CHM: variants seen among roughly 807,000 people sequenced by gnomAD.
The protein encoded by CHM is CHM Rab escort protein.
CHM carries 10 observed loss-of-function variants against 49.0 expected under a neutral mutation model. That is an observed-to-expected ratio of 0.20 (90% CI 0.13 to 0.35). CHM has a LOEUF of 0.35. Ranked by LOEUF, CHM falls within the 10% of genes least tolerant of loss-of-function variation. CHM has a pLI of 1.00. For missense variants in CHM, 455 were observed against 478.4 expected (o/e 0.95, Z 0.46); for synonymous variants, 184 against 167.5 (o/e 1.10, Z -0.76).
chrX:86,035,216 A>C (rs751048068), intron 1 of CHM, among the ~76,000 whole-genome samples: 1 of 112,308 alleles, frequency 8.9e-6, no homozygotes, highest in Non-Finnish European at 1.9e-5. Flanking sequence ...TTTTCACTTA[A>C]AAATGAGCAA....
At chrX:86,032,512 ATTTACTT>A (rs770307944) in intron 1 of CHM, among the ~76,000 whole-genome samples, 2 of 111,546 alleles carry the variant, frequency 1.8e-5, no homozygotes, top group African/African-American at 6.5e-5. Context: ...CTTGCTTACT[ATTTACTT>A]AAGTTACCCT....
intron 8 of CHM, among the ~76,000 whole-genome samples, chrX:85,913,327 AAAAAAAAAGAAAGAAAG>A (rs1927185702): frequency 1.2e-5 from 1 of 80,438 alleles, no homozygotes; most frequent in African/African-American, 4.3e-5. Context: ...AAAAAAAAAA[AAAAAAAAAGAAAGAAAG>A]AAAGAAAGAA....
rs1489155239 is a variant in CHM, at chrX:85,862,247, A to G, written c.*2383T>C. On this transcript the variant is annotated 3_prime_UTR_variant, in exon 15 of 15. Coordinates refer to ENST00000357749, the MANE Select transcript of CHM (RefSeq NM_000390.4). ...ACATATAGGTGGCTGCAGTAAGGCC[A>G]ATAGAATTTTTGTGGTTATTCTAGG... The G allele has an allele frequency of 8.9e-6, 1 of 112,289 alleles. No homozygotes were observed. Among genetic ancestry groups the G allele is most frequent in the Non-Finnish European group, 1.9e-5 (1 of 53,198 alleles). The allele number at this position is 112,289 out of a possible 1,213,427, so 9.3% of individuals were successfully genotyped here.
At chrX:85,982,765 G>A (rs1931699524) in intron 2 of CHM, among the ~76,000 whole-genome samples, 2 of 111,218 alleles carry the variant, frequency 1.8e-5, no homozygotes, top group Admixed American at 9.6e-5. Flanking sequence ...TTGCTTCTCT[G>A]TTTCTCTAAT....
chrX:85,895,136 G>GTTTTTT (rs527920499), intron 11 of CHM, among the ~76,000 whole-genome samples: 1 of 82,105 alleles, frequency 1.2e-5, no homozygotes, highest in East Asian at 3.8e-4. Context: ...GTTTTTTTTT[G>GTTTTTT]TTTTTTTTTT....
chrX:86,005,374 A>G (rs1265894844), intron 2 of CHM, among the ~76,000 whole-genome samples: 1 of 111,706 alleles, frequency 9.0e-6, no homozygotes, highest in African/African-American at 3.3e-5. Flanking sequence ...AAGAGCAAAC[A>G]TGTTCGAAAG....
chrX:85,964,424 C>T (rs1431551675), intron 4 of CHM, among the ~76,000 whole-genome samples: 1 of 109,612 alleles, frequency 9.1e-6, no homozygotes, highest in African/African-American at 3.3e-5. Flanking sequence ...AGGTAATTAC[C>T]TAAATTACCC....
intron 8 of CHM, among the ~76,000 whole-genome samples, chrX:85,925,644 T>A (rs937130515): frequency 3.0e-4 from 34 of 111,774 alleles, no homozygotes; most frequent in South Asian, 2.3e-3. Flanking sequence ...CTGTATGATA[T>A]ATATTCATTT....
chrX:85,973,325 A>AAAAAAAAAAAC (rs1931068703), intron 4 of CHM, among the ~76,000 whole-genome samples: 1 of 103,375 alleles, frequency 9.7e-6, no homozygotes, highest in Non-Finnish European at 2.0e-5. Context: ...AAAAAAAAAA[A>AAAAAAAAAAAC]AAAAAAGAAA....
chrX:85,903,713 C>T (rs1926420262), intron 9 of CHM: 2 of 379,642 alleles, frequency 5.3e-6, no homozygotes, highest in Non-Finnish European at 5.3e-6. Context: ...GCTCCCAAAT[C>T]CCAGGAAAAA....
chrX:85,884,443 G>C (rs1292828095), intron 12 of CHM, among the ~76,000 whole-genome samples: 1 of 110,677 alleles, frequency 9.0e-6, no homozygotes, highest in Non-Finnish European at 1.9e-5. Flanking sequence ...GGAAAGCTGA[G>C]GCACATAGAA....
At chrX:85,898,528 C>A (rs1926052081) in intron 11 of CHM, among the ~76,000 whole-genome samples, 1 of 111,880 alleles carries the variant, frequency 8.9e-6, no homozygotes, top group Non-Finnish European at 1.9e-5. Context: ...ACACCCTCTT[C>A]ATCTCCACAT....
At chrX:85,904,901 T>C (rs1405937421) in intron 9 of CHM, among the ~76,000 whole-genome samples, 1 of 111,846 alleles carries the variant, frequency 8.9e-6, no homozygotes, top group East Asian at 2.8e-4. Context: ...TTTTAATAAA[T>C]ACTTAATTGA....
intron 2 of CHM, among the ~76,000 whole-genome samples, chrX:85,995,088 TATA>T (rs1391057576): frequency 4.6e-5 from 5 of 109,862 alleles, no homozygotes; most frequent in Non-Finnish European, 9.5e-5. Context: ...ATGTAAAAAC[TATA>T]ATATCATTTG....
rs867129318 is a variant in CHM at position 85,878,967 on chromosome X, A to G, written c.1607T>C (p.Ile536Thr). 4 of 1,148,681 alleles carry G rather than the reference A, an allele frequency of 3.5e-6. No homozygotes were observed. The Middle Eastern group carries it at 1.1e-3, about 315-fold the overall frequency. The allele number at this position is 1,148,681 out of a possible 1,213,427, so 94.7% of individuals were successfully genotyped here. ...GAGTTATCAATTATTTTTCTTACCT[A>G]TCTCCATTTCAGTATATGGAACAAA... is the stretch of plus-strand genomic sequence containing the variant. ...KLFVPYTEMEIENEQVEKPRI... is the reference protein window; with the variant it reads ...KLFVPYTEMETENEQVEKPRI... The change falls in exon 13 of 15, where the codon ATA becomes ACA. Residue 536 changes from isoleucine (I) to threonine (T), a missense_variant and splice_region_variant. Transcript: ENST00000357749.
chrX:85,951,136 T>C (rs887637812), intron 8 of CHM, among the ~76,000 whole-genome samples: 3 of 112,164 alleles, frequency 2.7e-5, no homozygotes, highest in Non-Finnish European at 5.6e-5. Flanking sequence ...TCTTAAATGC[T>C]TATATTAAAA....
intron 2 of CHM, among the ~76,000 whole-genome samples, chrX:86,019,310 T>C (rs186469627): frequency 1.8e-5 from 2 of 112,336 alleles, no homozygotes; most frequent in East Asian, 5.6e-4. Context: ...AGAACTAATG[T>C]GGTCCTTAAG....
chrX:85,936,317 C>A (rs756284475), intron 8 of CHM, among the ~76,000 whole-genome samples: 6 of 112,161 alleles, frequency 5.3e-5, no homozygotes, highest in Non-Finnish European at 9.4e-5. Flanking sequence ...ACCGCAAAGT[C>A]ATGCAACTTT....
intron 8 of CHM, among the ~76,000 whole-genome samples, chrX:85,923,848 C>T (rs1388084751): frequency 2.7e-5 from 3 of 110,508 alleles, no homozygotes; most frequent in East Asian, 5.7e-4. Context: ...CCTGAATGAT[C>T]AGAAGAAACT....
Sources: allele counts gnomAD v4.1 joint callset (sites outside exome capture counted in the v4.1 genomes callset), GRCh38; gene constraint gnomAD v4.1.1; transcripts MANE v1.5; gene names NCBI Gene and HGNC (gene_info 2026-07-23, HGNC 2026-07-21).